The following AKAP8L variants were observed in gnomAD, a reference collection of about 807,000 sequenced individuals.
AKAP8L encodes A-kinase anchor protein 8-like.
AKAP8L carries 34 observed loss-of-function variants against 77.5 expected under a neutral mutation model. The observed-to-expected ratio is 0.44, with a 90% CI of 0.33 to 0.58. AKAP8L has a LOEUF of 0.58. Ranked by LOEUF, AKAP8L falls within the 20% of genes least tolerant of loss-of-function variation. The pLI is 0.02. For synonymous variants in AKAP8L, 342 were observed against 340.7 expected, an observed-to-expected ratio of 1.00 and a Z score of -0.04; for missense variants, 806 against 887.6, an observed-to-expected ratio of 0.91 and a Z score of 1.17.
rs755252182 is a variant in AKAP8L, at chr19:15,414,059, CTTTTTTT to C, written c.14-3472_14-3466del. Among the ~76,000 whole-genome samples, 249 of 119,984 alleles carry C rather than the reference CTTTTTTT, an allele frequency of 2.1e-3. 5 individuals carry two copies. The highest frequency in any genetic ancestry group is 7.2e-3 in the African/African-American group (227 of 31,602). The allele number at this position is 119,984 out of a possible 152,430, so 78.7% of individuals were successfully genotyped here. Reference sequence around the variant, plus strand: ...GTTTTGGCTCCTATTATGAATAATTCTTTTTTTTTTTTTTTTTTTTTTGAGACGGAGT... The same window carrying C: ...GTTTTGGCTCCTATTATGAATAATTCTTTTTTTTTTTTTTTGAGACGGAGT... On this transcript the variant is annotated intron_variant, in intron 1 of 13. Transcript: ENST00000397410.
At position 15,399,792 on chromosome 19, in the gene AKAP8L, G is replaced by C. The variant is rs1043075051; in HGVS notation, c.1049-382C>G. On this transcript the variant is annotated intron_variant, in intron 8 of 13. Coordinates refer to ENST00000397410, the MANE Select transcript of AKAP8L (RefSeq NM_014371.4). This position sits in a 1 kb window ranked among gnomAD's most constrained non-coding sequence, Gnocchi z 6.1. ...CCCTGCCCACCCCCAACCGGGCACC[G>C]CGGCAACAGTGGGCTGACGCTGGAT... is the stretch of plus-strand genomic sequence containing the variant. The C allele has an allele frequency of 6.1e-6, 2 of 330,406 alleles. No homozygotes were observed. The highest frequency in any genetic ancestry group is 1.1e-5 in the Non-Finnish European group (2 of 174,268). 20.5% of individuals were successfully genotyped at this position (330,406 alleles called of 1,614,324 possible).
chr19:15,380,298 G>T lies in AKAP8L; in HGVS notation c.1765C>A (p.Pro589Thr), dbSNP rs777443185. 2 of 1,529,252 alleles carry T rather than the reference G, an allele frequency of 1.3e-6. No individual in the cohort carries two copies. The highest frequency in any genetic ancestry group is 2.4e-5 in the South Asian group (2 of 83,466). The allele number at this position is 1,529,252 out of a possible 1,614,324, so 94.7% of individuals were successfully genotyped here. A position where few individuals can be genotyped will look rare whatever the true frequency, so the allele number is the denominator to read the frequency against. The part of the protein sequence containing the change: ...SEGAEGVPAQ[P>T]PVPPEPAPGA... ...GGGGCTGGCTCTGGGGGCACGGGAG[G>T]CTGCGCCGGCACGCCCTCTGCGCCC... Residue 589 changes from proline to threonine, a missense_variant, in exon 14 of 14, where the codon CCT becomes ACT. By Grantham distance (38) the Pro-to-Thr change is conservative. Around this residue, in one of 2 missense-constraint regions of AKAP8L, gnomAD observed 226 missense variants for 193.5 expected, o/e 1.17. Transcript: ENST00000397410.
rs750798229 is a variant in AKAP8L, at chr19:15,399,372, G to A, written c.1087C>T (p.Arg363Cys). Residue 363 changes from arginine (R) to cysteine (C), a missense_variant, in exon 9 of 14, where the codon CGC becomes TGC. Transcript: ENST00000397410. The surrounding 1 kb of genome is among the most constrained non-coding windows in gnomAD (Gnocchi z 6.1). ...CTCTTCTTGCCTGCCTGCAACTTGC[G>A]CTTGGTCTGGCCATTTTCATCCTGG... ...TTQDENGQTK[R>C]KLQAGKKSQD... 8.1e-6 allele frequency: 13 copies of A among 1,613,760 alleles called. No individual in the cohort carries two copies. Among genetic ancestry groups the A allele is most frequent in the African/African-American group, 5.3e-5 (4 of 74,906 alleles).
chr19:15,399,080 G>A lies in AKAP8L; in HGVS notation c.1157+222C>T, dbSNP rs1967834998. 8.7e-6 allele frequency: 5 copies of A among 572,026 alleles called. No individual in the cohort carries two copies. The highest frequency in any genetic ancestry group is 6.1e-5 in the Admixed American group (2 of 32,676). The allele number at this position is 572,026 out of a possible 1,614,324, so 35.4% of individuals were successfully genotyped here. The stretch of plus-strand genomic sequence containing the variant: ...ACGGTGCCGAGCGGTGTCAGGTCTC[G>A]GCCCACAGACGCCAGCGGTCGCCAG... On this transcript the variant is annotated intron_variant, in intron 9 of 13. Coordinates refer to ENST00000397410, the MANE Select transcript of AKAP8L (RefSeq NM_014371.4). This position sits in a 1 kb window ranked among gnomAD's most constrained non-coding sequence, Gnocchi z 6.1.
In AKAP8L at chr19:15,380,070, A is replaced by AAAT; in HGVS notation, c.*51_*52insATT. ...GGAGGTGGGATGGGAAAACTTTATT[A>AAAT]GGTTTGGTTTCCAGCTTCGGCCACG... On this transcript the variant is annotated 3_prime_UTR_variant, in exon 14 of 14. Transcript: ENST00000397410. The AAAT allele has an allele frequency of 7.4e-7, 1 of 1,357,900 alleles. No homozygotes were observed. The highest frequency in any genetic ancestry group is 3.6e-5 in the East Asian group (1 of 27,768). 84.1% of individuals were successfully genotyped at this position (1,357,900 alleles called of 1,614,324 possible).
chr19:15,400,483 T>TG, intron 7 of AKAP8L, 125 bp from the exon 8 acceptor site: 1 of 1,004,984 alleles, frequency 1.0e-6, no homozygotes, highest in Non-Finnish European at 1.5e-6. Context: ...AGCAGGGCTA[T>TG]CCTATAGGCA....
intron 12 of AKAP8L, among the ~76,000 whole-genome samples, chr19:15,384,832 C>T (rs1199644137): frequency 1.3e-5 from 2 of 152,212 alleles, no homozygotes; most frequent in Admixed American, 1.3e-4. Flanking sequence ...ATTATTTGCA[C>T]ATAAAGAGAG....
rs1276303362 is a variant in AKAP8L, at chr19:15,398,137, G to A, written c.1158-282C>T. 1.7e-5 allele frequency: 8 copies of A among 464,908 alleles called. No homozygotes were observed. The highest frequency in any genetic ancestry group is 9.5e-5 in the South Asian group (4 of 42,200). The allele number at this position is 464,908 out of a possible 1,614,324, so 28.8% of individuals were successfully genotyped here. On this transcript the variant is annotated intron_variant, in intron 9 of 13. Coordinates refer to ENST00000397410, the MANE Select transcript of AKAP8L (RefSeq NM_014371.4). This position sits in a 1 kb window ranked among gnomAD's most constrained non-coding sequence, Gnocchi z 9.2. ...GACAGCAGCTGCTGCAACAGGCAAC[G>A]AGTCGCTGGAAAGTTGCTGGAGGGC... is the stretch of plus-strand genomic sequence containing the variant.
At chr19:15,407,625 G>A (rs1258741687) in intron 2 of AKAP8L, among the ~76,000 whole-genome samples, 5 of 152,178 alleles carry the variant, frequency 3.3e-5, no homozygotes, top group African/African-American at 1.2e-4. Flanking sequence ...AGCAATGAAT[G>A]GAAAGTTTTT....
Position 15,401,595 on chromosome 19 carries a change from G to C in AKAP8L, c.371C>G (p.Ser124Cys). Residue 124 changes from serine (S) to cysteine (C), a missense_variant, in exon 5 of 14, where the codon TCT becomes TGT. Ser to Cys is a moderately radical substitution (Grantham distance 112, BLOSUM62 -1). Coordinates refer to ENST00000397410, the MANE Select transcript of AKAP8L (RefSeq NM_014371.4). The surrounding 1 kb of genome is among the most constrained non-coding windows in gnomAD (Gnocchi z 6.2). The part of the protein sequence containing the change: ...VYGSGGERYD[S>C]YESCDSRAVL... ...GGCCCTCGAGTCGCAGGACTCATAAGAGTCATACCTGCAGAGGCATGGGGT... is the reference window on the plus strand; with the variant it reads ...GGCCCTCGAGTCGCAGGACTCATAACAGTCATACCTGCAGAGGCATGGGGT... 1 of 1,592,674 alleles carries C rather than the reference G, an allele frequency of 6.3e-7. No individual in the cohort carries two copies. Among genetic ancestry groups the C allele is most frequent in the Admixed American group, 1.7e-5 (1 of 58,364 alleles).
intron 12 of AKAP8L, among the ~76,000 whole-genome samples, chr19:15,394,860 T>C (rs912710630): frequency 6.6e-6 from 1 of 152,214 alleles, no homozygotes; most frequent in Non-Finnish European, 1.5e-5. Context: ...TTAGACTGTA[T>C]TCAAATTATC....
Position 15,397,874 on chromosome 19 carries a change from G to C in AKAP8L, c.1158-19C>G. The C allele has an allele frequency of 3.1e-6, 5 of 1,611,460 alleles. No individual in the cohort carries two copies. Among genetic ancestry groups the C allele is most frequent in the Non-Finnish European group, 3.4e-6 (4 of 1,178,764 alleles). On this transcript the variant is annotated intron_variant, in intron 9 of 13. Coordinates refer to ENST00000397410, the MANE Select transcript of AKAP8L (RefSeq NM_014371.4). The surrounding 1 kb of genome is among the most constrained non-coding windows in gnomAD (Gnocchi z 4.7). ...CTGGATCCTGCCACAGGAAGGAAAC[G>C]AGGGGCTGAGGCTGCAAGTGTCCCA...
rs1189032743 is a variant in AKAP8L, at chr19:15,397,623, C to T, written c.1302G>A (p.Glu434=). 2 of 1,613,906 alleles carry T rather than the reference C, an allele frequency of 1.2e-6. No homozygotes were observed. The highest frequency in any genetic ancestry group is 1.7e-5 in the Admixed American group (1 of 60,018). ...LPKQTADFLQ[E]YVTNKTKKTE... ...TCTTCTTGGTCTTGTTAGTGACGTA[C>T]TCCTGCAAGGAATATAAAGGTTCAT... The change falls in exon 11 of 14, where the codon GAG becomes GAA. Residue 434 remains glutamate (E), a splice_region_variant and synonymous_variant. Coordinates refer to ENST00000397410, the MANE Select transcript of AKAP8L (RefSeq NM_014371.4). This position sits in a 1 kb window ranked among gnomAD's most constrained non-coding sequence, Gnocchi z 4.7.
rs1213670347 is a variant in AKAP8L, at chr19:15,403,815, CAGAG to C, written c.122-104_122-101del. ...ACAGATACAAGGGTATCTTCTGTCA[CAGAG>C]AGAGAAGACCCTAGCCACTGAAGCT... On this transcript the variant is annotated intron_variant, in intron 3 of 13. Transcript: ENST00000397410. This position sits in a 1 kb window ranked among gnomAD's most constrained non-coding sequence, Gnocchi z 4.3. 1 of 1,154,560 alleles carries C rather than the reference CAGAG, an allele frequency of 8.7e-7. No individual in the cohort carries two copies. Among genetic ancestry groups the C allele is most frequent in the African/African-American group, 1.5e-5 (1 of 65,060 alleles). The allele number at this position is 1,154,560 out of a possible 1,614,324, so 71.5% of individuals were successfully genotyped here.
chr19:15,399,613 C>T lies in AKAP8L; in HGVS notation c.1049-203G>A, dbSNP rs1325031583. On this transcript the variant is annotated intron_variant, in intron 8 of 13. Transcript: ENST00000397410. The surrounding 1 kb of genome is among the most constrained non-coding windows in gnomAD (Gnocchi z 6.1). ...TGGCCTAGGCCCCAAGGAGTGGGGG[C>T]CAGGCGATGACCCCTCCACTCTCCA... is the stretch of plus-strand genomic sequence containing the variant. The T allele has an allele frequency of 8.5e-6, 5 of 588,044 alleles. No individual in the cohort carries two copies. Among genetic ancestry groups the T allele is most frequent in the Non-Finnish European group, 1.5e-5 (5 of 328,278 alleles). The allele number at this position is 588,044 out of a possible 1,614,324, so 36.4% of individuals were successfully genotyped here. A position where few individuals can be genotyped will look rare whatever the true frequency, so the allele number is the denominator to read the frequency against.
chr19:15,409,082 A>G (rs1253629042), intron 2 of AKAP8L, among the ~76,000 whole-genome samples: 1 of 152,190 alleles, frequency 6.6e-6, no homozygotes, highest in African/African-American at 2.4e-5. Context: ...TCTAAAGAAA[A>G]TATTACAGAT....
intron 2 of AKAP8L, 93 bp downstream of exon 2, chr19:15,410,427 G>T: frequency 9.1e-7 from 1 of 1,098,926 alleles, no homozygotes; most frequent in Non-Finnish European, 1.3e-6. Flanking sequence ...GTTTAAAAAA[G>T]CATGACAGGG....
At chr19:15,384,523 C>G (rs1376755870) in intron 12 of AKAP8L, among the ~76,000 whole-genome samples, 1 of 151,618 alleles carries the variant, frequency 6.6e-6, no homozygotes, top group Non-Finnish European at 1.5e-5. Flanking sequence ...TGGTCTCAAA[C>G]TCCTGACCTC....
Position 15,398,692 on chromosome 19 carries a change from GC to G in AKAP8L, c.1157+609del. ...TTTGTCTGGAGAGCCCAGGGGCCGG[GC>G]GCCGGCGAGGCTGAGGAAGGTCCAG... On this transcript the variant is annotated intron_variant, in intron 9 of 13. Coordinates refer to ENST00000397410, the MANE Select transcript of AKAP8L (RefSeq NM_014371.4). The surrounding 1 kb of genome is among the most constrained non-coding windows in gnomAD (Gnocchi z 9.2). The G allele has an allele frequency of 1.0e-6, 1 of 988,062 alleles. No individual in the cohort carries two copies. The highest frequency in any genetic ancestry group is 1.2e-6 in the Non-Finnish European group (1 of 831,710). The allele number at this position is 988,062 out of a possible 1,614,324, so 61.2% of individuals were successfully genotyped here.
Sources: gnomAD v4.1 joint callset for allele counts (sites outside exome capture counted in the v4.1 genomes callset) on GRCh38, gnomAD v4.1.1 for gene constraint, gnomAD v4.1.1 regional missense constraint, Gnocchi (gnomAD v3.1) non-coding constraint, MANE v1.5 for transcripts, NCBI Gene and HGNC (gene_info 2026-07-23, HGNC 2026-07-21) for gene names.